Variants in ZC3H14 observed in about 807,000 individuals in gnomAD.
ZC3H14 encodes the protein zinc finger CCCH domain-containing protein 14.
In ZC3H14, 31 loss-of-function variants were observed where a neutral mutation model predicts 92.4. The observed-to-expected ratio is 0.34, with a 90% CI of 0.25 to 0.45. The LOEUF is 0.45. Among genes scored for constraint, ZC3H14 ranks in the 20% least tolerant of loss-of-function variants. The probability of loss-of-function intolerance (pLI) is 1.00; values close to 1 mark genes in which losing one functional copy is unlikely to be tolerated. For synonymous variants in ZC3H14, 321 were observed against 300.9 expected (o/e 1.07, Z -0.69); for missense variants, 781 against 897.3 (o/e 0.87, Z 1.66).
At chr14:88,597,046 C>G (rs2083932481) in intron 10 of ZC3H14, among the ~76,000 whole-genome samples, 1 of 152,142 alleles carries the variant, frequency 6.6e-6, no homozygotes, top group Non-Finnish European at 1.5e-5. Flanking sequence ...CAAGTGTGTC[C>G]CTAGCACTGT....
chr14:88,571,487 G>A (rs2080386477), intron 4 of ZC3H14, among the ~76,000 whole-genome samples: 1 of 152,080 alleles, frequency 6.6e-6, no homozygotes, highest in Non-Finnish European at 1.5e-5. Context: ...TAAAAATAAT[G>A]TTGTGGAAGA....
chr14:88,567,540 G>A (rs577963276), intron 2 of ZC3H14, among the ~76,000 whole-genome samples: 5 of 151,212 alleles, frequency 3.3e-5, no homozygotes, highest in Admixed American at 2.6e-4. Context: ...TTTTTTAAAT[G>A]ATGTGGAGCT....
intron 9 of ZC3H14, chr14:88,592,490 C>CTTTTTTTTTTTTTTTTTTTT (rs1566945839): frequency 8.6e-6 from 1 of 115,984 alleles, no homozygotes; most frequent in Non-Finnish European, 1.8e-5. Context: ...TATAAGGATT[C>CTTTTTTTTTTTTTTTTTTTT]CTTTTTTTTT....
In ZC3H14 at chr14:88,618,032, C is replaced by A; in HGVS notation, c.*6281C>A. 8.0e-6 allele frequency: 3 copies of A among 375,398 alleles called. No homozygotes were observed. Among genetic ancestry groups the A allele is most frequent in the East Asian group, 4.1e-5 (1 of 24,324 alleles). The allele number at this position is 375,398 out of a possible 1,614,324, so 23.3% of individuals were successfully genotyped here. ...TCCTTAAAAAAAAAACTTGATAAAT[C>A]ATGGAAACTGATAAAACATGGAAAT... On this transcript the variant is annotated 3_prime_UTR_variant, in exon 17 of 17. Transcript: ENST00000251038.
chr14:88,585,858 A>T (rs2082410314), intron 9 of ZC3H14, among the ~76,000 whole-genome samples: 1 of 152,132 alleles, frequency 6.6e-6, no homozygotes, highest in Non-Finnish European at 1.5e-5. Flanking sequence ...CAGTGTTTCA[A>T]TTTGATCTTT....
rs1303590608 is a variant in ZC3H14, at chr14:88,618,105, T to C, written c.*6354T>C. On this transcript the variant is annotated 3_prime_UTR_variant, in exon 17 of 17. Transcript: ENST00000251038. Reference sequence around the variant, plus strand: ...AACATGAACATACCATTTCAAAATATGGTAACAAAAACTTGAAACTCAATT... The same window carrying C: ...AACATGAACATACCATTTCAAAATACGGTAACAAAAACTTGAAACTCAATT... 7.6e-6 allele frequency: 5 copies of C among 659,070 alleles called. No homozygotes were observed. Among genetic ancestry groups the C allele is most frequent in the Admixed American group, 5.3e-5 (2 of 37,404 alleles). 40.8% of individuals were successfully genotyped at this position (659,070 alleles called of 1,614,324 possible). A position where few individuals can be genotyped will look rare whatever the true frequency, so the allele number is the denominator to read the frequency against.
chr14:88,580,603 C>T (rs563018318), intron 9 of ZC3H14, among the ~76,000 whole-genome samples: 1 of 152,174 alleles, frequency 6.6e-6, no homozygotes, highest in East Asian at 1.9e-4. Flanking sequence ...AATAGAAATA[C>T]AGTGTTTTTA....
At chr14:88,576,957 A>G (rs907428017) in intron 8 of ZC3H14, among the ~76,000 whole-genome samples, 1 of 151,776 alleles carries the variant, frequency 6.6e-6, no homozygotes, top group African/African-American at 2.4e-5. Context: ...TGCCAGGCTA[A>G]TTTTTTTGTA....
At chr14:88,601,598 C>T (rs897358463) in intron 10 of ZC3H14, among the ~76,000 whole-genome samples, 1 of 152,256 alleles carries the variant, frequency 6.6e-6, no homozygotes, top group South Asian at 2.1e-4. Context: ...TCAAATTCTC[C>T]AGGTTTTTAG....
At chr14:88,598,459 A>C (rs2084162626) in intron 10 of ZC3H14, among the ~76,000 whole-genome samples, 2 of 151,502 alleles carry the variant, frequency 1.3e-5, no homozygotes, top group Admixed American at 6.6e-5. Flanking sequence ...TGTTTATTTA[A>C]CCCTCCCCCA....
chr14:88,587,181 A>G (rs2082562173), intron 9 of ZC3H14, among the ~76,000 whole-genome samples: 1 of 139,484 alleles, frequency 7.2e-6, no homozygotes, highest in African/African-American at 2.6e-5. Context: ...TTTTTTTTGG[A>G]GGTAGAGTCT....
Position 88,578,042 on chromosome 14 carries a change from T to G in ZC3H14, c.1181T>G (p.Leu394Trp). ...AGAACTCGAACTTCTCAAGAAGAATTGCTAGCAGAAGTGGTCCAGGGACAA... is the reference window on the plus strand; with the variant it reads ...AGAACTCGAACTTCTCAAGAAGAATGGCTAGCAGAAGTGGTCCAGGGACAA... ...APRTRTSQEELLAEVVQGQSR... is the reference protein window; with the variant it reads ...APRTRTSQEEWLAEVVQGQSR... Residue 394 changes from leucine to tryptophan, a missense_variant, in exon 9 of 17, where the codon TTG (leucine) becomes TGG (tryptophan). Leu to Trp is a moderately conservative substitution (Grantham distance 61). This residue lies in a region of ZC3H14 where 454 missense variants were observed against 438.5 expected (regional missense o/e 1.04). Transcript: ENST00000251038. The G allele has an allele frequency of 6.2e-7, 1 of 1,614,148 alleles. No individual in the cohort carries two copies. Among genetic ancestry groups the G allele is most frequent in the South Asian group, 1.1e-5 (1 of 91,086 alleles).
At chr14:88,594,678 T>A in intron 9 of ZC3H14, 1 of 1,612,688 alleles carries the variant, frequency 6.2e-7, no homozygotes, top group Non-Finnish European at 8.5e-7. Context: ...TTATCAGATT[T>A]TAAGGGAGAG....
chr14:88,584,424 A>AC (rs2082251511), intron 9 of ZC3H14, among the ~76,000 whole-genome samples: 1 of 152,376 alleles, frequency 6.6e-6, no homozygotes, highest in Middle Eastern at 3.4e-3. Flanking sequence ...CTATCTTAAA[A>AC]CATACACATC....
At chr14:88,591,843 ATG>A (rs1416001202) in intron 9 of ZC3H14, 8 of 152,222 alleles carry the variant, frequency 5.3e-5, no homozygotes, top group Non-Finnish European at 7.3e-5. Flanking sequence ...GTTCCACTTA[ATG>A]TATCATGGGA....
At chr14:88,601,222 A>T (rs769028395) in intron 10 of ZC3H14, among the ~76,000 whole-genome samples, 10 of 152,122 alleles carry the variant, frequency 6.6e-5, no homozygotes, top group Non-Finnish European at 1.0e-4. Flanking sequence ...ATAAATGAAT[A>T]CCCTGTAAAT....
At position 88,575,772 on chromosome 14, in the gene ZC3H14, A is replaced by G. The variant is rs995121969; in HGVS notation, c.1023-68A>G. On this transcript the variant is annotated intron_variant, in intron 7 of 16. Coordinates refer to ENST00000251038, the MANE Select transcript of ZC3H14 (RefSeq NM_024824.5). ...TAGAGAAGGTTGTGGTAAAGGCATA[A>G]TAGATGGCTGGCCTGTGAGGAACTG... 30 of 1,345,306 alleles carry G rather than the reference A, an allele frequency of 2.2e-5. No individual in the cohort carries two copies. The East Asian group carries it at 2.8e-4, about 12-fold the overall frequency. 83.3% of individuals were successfully genotyped at this position (1,345,306 alleles called of 1,614,324 possible).
Position 88,572,773 on chromosome 14 carries a change from C to G in ZC3H14, c.627C>G (p.Arg209=). Residue 209 remains arginine, a synonymous_variant, in exon 6 of 17, where the codon CGC becomes CGG. Transcript: ENST00000251038. Reference sequence around the variant, plus strand: ...TGACACTTACATATGGTTCTTCTCGCCCTTCTATTGAAATTTATCGACCAC... The same window carrying G: ...TGACACTTACATATGGTTCTTCTCGGCCTTCTATTGAAATTTATCGACCAC... ...PTVTLTYGSS[R]PSIEIYRPPA... is the part of the protein sequence containing the mutation. 1 of 1,614,150 alleles carries G rather than the reference C, an allele frequency of 6.2e-7. No homozygotes were observed. The highest frequency in any genetic ancestry group is 8.5e-7 in the Non-Finnish European group (1 of 1,180,026).
chr14:88,578,359 C>T (rs1271098999), intron 9 of ZC3H14, among the ~76,000 whole-genome samples: 1 of 152,066 alleles, frequency 6.6e-6, no homozygotes, highest in Non-Finnish European at 1.5e-5. Flanking sequence ...CCAGGCAGTC[C>T]TCAAACTCCT....
Sources: allele counts gnomAD v4.1 joint callset (sites outside exome capture counted in the v4.1 genomes callset), GRCh38; gene constraint gnomAD v4.1.1; regional missense constraint gnomAD v4.1.1; transcripts MANE v1.5; gene names NCBI Gene and HGNC (gene_info 2026-07-23, HGNC 2026-07-21).